The following ERBB4 variants were observed in gnomAD, a reference collection of about 807,000 sequenced individuals.
ERBB4 encodes receptor tyrosine-protein kinase erbB-4.
In ERBB4, 42 loss-of-function variants were observed where a neutral mutation model predicts 158.0. That is an observed-to-expected ratio of 0.27 (90% CI 0.21 to 0.34). The LOEUF is 0.34. ERBB4 is among the 10% of genes least tolerant of loss of function. The probability of loss-of-function intolerance (pLI) is 1.00; values close to 1 mark genes in which losing one functional copy is unlikely to be tolerated. For missense variants in ERBB4, 1,333 were observed against 1,624.1 expected, an observed-to-expected ratio of 0.82 and a Z score of 3.08; for synonymous variants, 583 against 558.7, an observed-to-expected ratio of 1.04 and a Z score of -0.61.
At chr2:211,557,244 G>C (rs62180219) in intron 20 of ERBB4, among the ~76,000 whole-genome samples, 46,845 of 151,942 alleles carry the variant, frequency 0.31, 9,479 homozygotes, top group African/African-American at 0.58. Flanking sequence ...GGAATTGCAA[G>C]AAAAACAAAA....
At chr2:212,191,425 G>A (rs897019014) in intron 1 of ERBB4, among the ~76,000 whole-genome samples, 1 of 111,606 alleles carries the variant, frequency 9.0e-6, no homozygotes, top group Non-Finnish European at 1.9e-5. Flanking sequence ...CAACCTAGTT[G>A]TAGGTATATA....
intron 3 of ERBB4, among the ~76,000 whole-genome samples, chr2:211,813,239 A>G (rs1310952085): frequency 1.3e-5 from 2 of 152,246 alleles, no homozygotes; most frequent in African/African-American, 4.8e-5. Context: ...AAATACAAGG[A>G]GAAAAAAAGA....
chr2:212,454,301 T>C (rs115407986), intron 1 of ERBB4, among the ~76,000 whole-genome samples: 1,823 of 152,304 alleles, frequency 0.012, 36 homozygotes, highest in African/African-American at 0.042. Flanking sequence ...TTTGTCTTCT[T>C]TTCCACTGAG....
chr2:211,953,465 C>CAAAAAAAAAAAAA (rs36024345), intron 2 of ERBB4, among the ~76,000 whole-genome samples: 10 of 85,528 alleles, frequency 1.2e-4, no homozygotes, highest in African/African-American at 1.6e-4. Context: ...GGTTTTTCTC[C>CAAAAAAAAAAAAA]AAAAAAAAAA....
intron 12 of ERBB4, among the ~76,000 whole-genome samples, chr2:211,690,016 A>G (rs1446916220): frequency 1.3e-5 from 2 of 148,942 alleles, no homozygotes; most frequent in Middle Eastern, 3.6e-3. Flanking sequence ...TATCTAAAAT[A>G]TATATATACA....
At chr2:211,677,021 T>C (rs1383689482) in intron 13 of ERBB4, among the ~76,000 whole-genome samples, 3 of 152,196 alleles carry the variant, frequency 2.0e-5, no homozygotes, top group Non-Finnish European at 4.4e-5. Flanking sequence ...TGAAAAATGA[T>C]TAAATTCTTA....
chr2:211,579,327 G>A (rs4573712), intron 19 of ERBB4, among the ~76,000 whole-genome samples: 2 of 152,216 alleles, frequency 1.3e-5, no homozygotes, highest in Middle Eastern at 3.4e-3. Context: ...TGGAGATATA[G>A]GAACACTTTT....
intron 2 of ERBB4, among the ~76,000 whole-genome samples, chr2:212,105,390 A>G (rs1174592247): frequency 6.6e-6 from 1 of 152,198 alleles, no homozygotes; most frequent in Non-Finnish European, 1.5e-5. Context: ...TATAAGAAGA[A>G]AGTCTCAGCT....
intron 17 of ERBB4, among the ~76,000 whole-genome samples, chr2:211,625,761 T>A (rs1300864125): frequency 6.6e-6 from 1 of 152,180 alleles, no homozygotes; most frequent in African/African-American, 2.4e-5. Context: ...GAATCATTTT[T>A]AAAAATCATA....
chr2:212,361,681 C>T (rs1487818455), intron 1 of ERBB4, among the ~76,000 whole-genome samples: 1 of 151,636 alleles, frequency 6.6e-6, no homozygotes, highest in African/African-American at 2.4e-5. Context: ...AGCTGAACTA[C>T]TGTCATTTTG....
At chr2:212,280,247 A>G (rs918516336) in intron 1 of ERBB4, among the ~76,000 whole-genome samples, 2 of 151,680 alleles carry the variant, frequency 1.3e-5, no homozygotes, top group African/African-American at 2.4e-5. Flanking sequence ...AATTTTTGCT[A>G]GTAGAACATA....
intron 3 of ERBB4, among the ~76,000 whole-genome samples, chr2:211,944,177 C>CTATATATATATATAGTGTA (rs1559154451): frequency 1.6e-4 from 6 of 38,584 alleles, no homozygotes; most frequent in Non-Finnish European, 3.4e-4. Flanking sequence ...TATATATATA[C>CTATATATATATATAGTGTA]TATATATATA....
At chr2:211,772,951 ATATATT>A (rs1273399219) in intron 4 of ERBB4, among the ~76,000 whole-genome samples, 2 of 71,830 alleles carry the variant, frequency 2.8e-5, no homozygotes, top group African/African-American at 1.2e-4. Context: ...ATATATATAT[ATATATT>A]TTTTTTTTTA....
chr2:211,438,449 C>T (rs1343549001), intron 20 of ERBB4, among the ~76,000 whole-genome samples: 1 of 152,104 alleles, frequency 6.6e-6, no homozygotes, highest in Non-Finnish European at 1.5e-5. Flanking sequence ...ATTTATACAA[C>T]ATTTGTGTTT....
In ERBB4 at chr2:211,399,430, A is replaced by G. The variant is rs183004667; in HGVS notation, c.3136-11438T>C. On this transcript the variant is annotated intron_variant, in intron 25 of 27. Coordinates refer to ENST00000342788, the MANE Select transcript of ERBB4 (RefSeq NM_005235.3). ...AAAATCTCAGTGACTCCATCAAGCCAGTTGGATAAGTTTTAAAAGATGTGG... is the reference window on the plus strand; with the variant it reads ...AAAATCTCAGTGACTCCATCAAGCCGGTTGGATAAGTTTTAAAAGATGTGG... Among the ~76,000 whole-genome samples the G allele has an allele frequency of 2.6e-5, 4 of 152,320 alleles. No individual in the cohort carries two copies. The East Asian group carries it at 7.7e-4, about 29-fold the overall frequency.
At chr2:212,185,274 G>T (rs747834531) in intron 1 of ERBB4, among the ~76,000 whole-genome samples, 2 of 151,650 alleles carry the variant, frequency 1.3e-5, no homozygotes, top group African/African-American at 4.8e-5. Context: ...TGCTGGAATT[G>T]GCCTCCCAAA....
chr2:212,291,085 G>A (rs2086190247), intron 1 of ERBB4, among the ~76,000 whole-genome samples: 1 of 152,062 alleles, frequency 6.6e-6, no homozygotes, highest in Non-Finnish European at 1.5e-5. Flanking sequence ...ATAAAGTAGG[G>A]AACTTACTAT....
chr2:211,734,528 G>A (rs1289077323), intron 5 of ERBB4, among the ~76,000 whole-genome samples: 1 of 149,262 alleles, frequency 6.7e-6, no homozygotes. Context: ...AGTTGTAACT[G>A]AGAATAATAC....
intron 1 of ERBB4, among the ~76,000 whole-genome samples, chr2:212,418,675 G>C (rs2091717756): frequency 6.6e-6 from 1 of 151,654 alleles, no homozygotes; most frequent in African/African-American, 2.4e-5. Context: ...TTACTAACTT[G>C]AGAAATGCTT....
Sources: gnomAD v4.1 joint callset for allele counts (sites outside exome capture counted in the v4.1 genomes callset) on GRCh38, gnomAD v4.1.1 for gene constraint, MANE v1.5 for transcripts, NCBI Gene and HGNC (gene_info 2026-07-23, HGNC 2026-07-21) for gene names.